Variants in GABRB2 observed in about 807,000 individuals in gnomAD.
GABRB2 encodes gamma-aminobutyric acid type A receptor subunit beta2.
Under a neutral mutation model 54.7 loss-of-function variants are expected in GABRB2, and 16 were observed. The observed-to-expected ratio is 0.29, with a 90% CI of 0.20 to 0.44. The LOEUF (loss-of-function observed/expected upper bound fraction) is 0.44, where lower values mean the gene tolerates loss of function less well. GABRB2 is among the 20% of genes least tolerant of loss of function. GABRB2 has a pLI of 1.00. For synonymous variants in GABRB2, 244 were observed against 233.8 expected (o/e 1.04, Z -0.40); for missense variants, 355 against 644.0 (o/e 0.55, Z 4.86).
chr5:161,359,100 A>G (rs1475367277), intron 5 of GABRB2, among the ~76,000 whole-genome samples: 1 of 152,102 alleles, frequency 6.6e-6, no homozygotes, highest in Non-Finnish European at 1.5e-5. Flanking sequence ...ATTATGTGTG[A>G]CTGTCTTTTT....
intron 3 of GABRB2, among the ~76,000 whole-genome samples, chr5:161,507,040 T>C (rs1463610279): frequency 6.6e-6 from 1 of 152,096 alleles, no homozygotes; most frequent in Non-Finnish European, 1.5e-5. Flanking sequence ...ATTGATGAAT[T>C]GAACTTTGTA....
intron 4 of GABRB2, among the ~76,000 whole-genome samples, chr5:161,431,741 C>T (rs1190194463): frequency 6.6e-6 from 1 of 152,192 alleles, no homozygotes; most frequent in Non-Finnish European, 1.5e-5. Flanking sequence ...AGATATACCA[C>T]TTACATCCTT....
chr5:161,381,594 G>A (rs1055628798), intron 5 of GABRB2, among the ~76,000 whole-genome samples: 1 of 152,120 alleles, frequency 6.6e-6, no homozygotes, highest in Non-Finnish European at 1.5e-5. Context: ...TATTCTGAAG[G>A]GGGTGAGTGG....
rs549002777 is a variant in GABRB2, at chr5:161,403,127, G to A, written c.541+7848C>T. Among the ~76,000 whole-genome samples, 17 of 152,212 alleles carry A rather than the reference G, an allele frequency of 1.1e-4. No individual in the cohort carries two copies. In the South Asian group the frequency reaches 3.3e-3, roughly 30 times the overall value. On this transcript the variant is annotated intron_variant, in intron 5 of 9. Coordinates refer to ENST00000393959, the MANE Select transcript of GABRB2 (RefSeq NM_001371727.1). ...TGGTGATTTAACCCAGGATTACAAC[G>A]TAAGAAAGCCCCTTAACAAAGTGGG... is the stretch of plus-strand genomic sequence containing the variant.
At chr5:161,361,688 T>C (rs1039846504) in intron 5 of GABRB2, among the ~76,000 whole-genome samples, 1 of 152,210 alleles carries the variant, frequency 6.6e-6, no homozygotes, top group Admixed American at 6.5e-5. Context: ...CTTGTGTTTT[T>C]ACTTTTTCAT....
intron 5 of GABRB2, among the ~76,000 whole-genome samples, chr5:161,361,442 A>G (rs564114254): frequency 6.6e-6 from 1 of 152,288 alleles, no homozygotes; most frequent in South Asian, 2.1e-4. Flanking sequence ...TGATCCAGAC[A>G]TATCTGGATC....
intron 5 of GABRB2, among the ~76,000 whole-genome samples, chr5:161,358,202 A>G (rs1754697747): frequency 1.3e-5 from 2 of 152,194 alleles, no homozygotes; most frequent in South Asian, 4.1e-4. Flanking sequence ...TCAAAGAAGG[A>G]AAATGTATTA....
At chr5:161,479,056 A>G (rs777418029) in intron 3 of GABRB2, among the ~76,000 whole-genome samples, 4 of 152,208 alleles carry the variant, frequency 2.6e-5, no homozygotes, top group East Asian at 1.9e-4. Context: ...TTGCAGACCC[A>G]GGCTGGTACA....
chr5:161,397,987 AT>A (rs1396739182), intron 5 of GABRB2, among the ~76,000 whole-genome samples: 1 of 151,672 alleles, frequency 6.6e-6, no homozygotes, highest in Non-Finnish European at 1.5e-5. Context: ...TAAGTGTTCA[AT>A]AATTGATAGA....
chr5:161,547,458 TTC>T (rs1761022443), upstream of GABRB2, among the ~76,000 whole-genome samples: 1 of 152,212 alleles, frequency 6.6e-6, no homozygotes, highest in African/African-American at 2.4e-5. Context: ...CACGAGCGAT[TTC>T]TTTCTCCTCT....
In GABRB2 at chr5:161,288,819, C is replaced by T. The variant is rs771919134; in HGVS notation, c.*5262G>A. ...TTTAGAACTGTGCAGGGACAATATT[C>T]GTAACAGAACTATTTAAACACCCAT... On this transcript the variant is annotated 3_prime_UTR_variant, in exon 10 of 10. Coordinates refer to ENST00000393959, the MANE Select transcript of GABRB2 (RefSeq NM_001371727.1). The T allele has an allele frequency of 2.0e-5, 3 of 151,590 alleles. No homozygotes were observed. The highest frequency in any genetic ancestry group is 2.4e-5 in the African/African-American group (1 of 41,178). 9.4% of individuals were successfully genotyped at this position (151,590 alleles called of 1,614,324 possible). A position where few individuals can be genotyped will look rare whatever the true frequency, so the allele number is the denominator to read the frequency against.
intron 3 of GABRB2, among the ~76,000 whole-genome samples, chr5:161,493,545 G>A (rs1259157593): frequency 6.6e-6 from 1 of 151,574 alleles, no homozygotes; most frequent in Non-Finnish European, 1.5e-5. Flanking sequence ...GAGAGATTCT[G>A]TTTAAAAAAA....
At chr5:161,385,221 G>A (rs769639703) in intron 5 of GABRB2, among the ~76,000 whole-genome samples, 1 of 152,180 alleles carries the variant, frequency 6.6e-6, no homozygotes, top group East Asian at 1.9e-4. Context: ...TCTGCCAAGT[G>A]TATCTGCATC....
intron 5 of GABRB2, among the ~76,000 whole-genome samples, chr5:161,375,209 G>A (rs188987347): frequency 2.0e-5 from 3 of 152,136 alleles, no homozygotes; most frequent in Non-Finnish European, 4.4e-5. Flanking sequence ...TGACTTGAAA[G>A]CACCAAGGGG....
intron 9 of GABRB2, among the ~76,000 whole-genome samples, chr5:161,323,167 G>A (rs747961945): frequency 3.0e-4 from 46 of 151,664 alleles, no homozygotes; most frequent in South Asian, 4.2e-4. Flanking sequence ...GATTACAGGC[G>A]CCCGCCACCA....
intron 2 of GABRB2, 100 bp downstream of exon 2, chr5:161,546,208 ACACATTCAGGACAC>A (rs1451615397): frequency 1.3e-6 from 1 of 767,832 alleles, no homozygotes; most frequent in Non-Finnish European, 2.2e-6. Context: ...TAAAATAGAG[ACACATTCAGGACAC>A]CACATGCACC....
intron 5 of GABRB2, among the ~76,000 whole-genome samples, chr5:161,349,450 T>C (rs775938565): frequency 2.6e-5 from 4 of 152,122 alleles, no homozygotes; most frequent in Non-Finnish European, 4.4e-5. Flanking sequence ...TGATTTGAAA[T>C]ATATGTACAC....
chr5:161,433,311 G>A (rs946697567), intron 4 of GABRB2, among the ~76,000 whole-genome samples: 2 of 151,854 alleles, frequency 1.3e-5, no homozygotes, highest in Admixed American at 1.3e-4. Context: ...TACGAAAGGA[G>A]AATTATGGCT....
intron 5 of GABRB2, among the ~76,000 whole-genome samples, chr5:161,341,937 T>TTTTATATATA (rs1754172369): frequency 1.3e-5 from 1 of 75,708 alleles, no homozygotes; most frequent in Non-Finnish European, 2.7e-5. Context: ...ATTTTTTCTT[T>TTTTATATATA]TATATATATA....
Sources: allele counts gnomAD v4.1 joint callset (sites outside exome capture counted in the v4.1 genomes callset), GRCh38; gene constraint gnomAD v4.1.1; transcripts MANE v1.5; gene names NCBI Gene and HGNC (gene_info 2026-07-23, HGNC 2026-07-21).